Variants in SPECC1L observed in about 807,000 individuals in gnomAD.
SPECC1L encodes the protein cytospin-A.
A neutral mutation model predicts 116.8 loss-of-function variants in SPECC1L; 40 were observed. The ratio of observed to expected loss-of-function variants is 0.34; its 90% CI spans 0.27 to 0.45. The LOEUF is 0.45. SPECC1L is among the 20% of genes least tolerant of loss of function. The pLI is 1.00. For missense variants in SPECC1L, 1,110 were observed against 1,373.6 expected (o/e 0.81, Z 3.03); for synonymous variants, 504 against 500.6 (o/e 1.01, Z -0.09).
intron 2 of SPECC1L, among the ~76,000 whole-genome samples, chr22:24,280,168 T>C (rs949664149): frequency 3.9e-5 from 6 of 152,140 alleles, no homozygotes; most frequent in African/African-American, 1.2e-4. Context: ...TGGAAATGAA[T>C]TGGGGGGTAA....
chr22:24,324,133 C>G, intron 5 of SPECC1L, 87 bp from the exon 6 acceptor site: 2 of 1,090,576 alleles, frequency 1.8e-6, no homozygotes, highest in Non-Finnish European at 2.8e-6. Context: ...ACTTAGCTCC[C>G]CTTGGAAACT....
intron 8 of SPECC1L, among the ~76,000 whole-genome samples, chr22:24,334,016 T>G (rs2040994012): frequency 6.8e-6 from 1 of 148,118 alleles, no homozygotes; most frequent in Non-Finnish European, 1.5e-5. Context: ...TTTTTGTTGT[T>G]TTTTTTTTTT....
intron 1 of SPECC1L, among the ~76,000 whole-genome samples, chr22:24,275,179 T>C (rs2048812747): frequency 6.6e-6 from 1 of 152,256 alleles, no homozygotes; most frequent in African/African-American, 2.4e-5. Context: ...CGGCCTCCAC[T>C]GGACAATGAG....
At chr22:24,339,419 A>G (rs1272093531) in intron 10 of SPECC1L, among the ~76,000 whole-genome samples, 1 of 152,238 alleles carries the variant, frequency 6.6e-6, no homozygotes, top group Non-Finnish European at 1.5e-5. Flanking sequence ...CATTATTGAT[A>G]CATTAGAAAC....
chr22:24,353,296 GC>G (rs1361035117), intron 11 of SPECC1L, among the ~76,000 whole-genome samples: 1 of 152,108 alleles, frequency 6.6e-6, no homozygotes, highest in Non-Finnish European at 1.5e-5. Context: ...GTCTGCAGCT[GC>G]TTCTCACTCT....
Position 24,311,868 on chromosome 22 carries a change from C to T in SPECC1L, c.154-1445C>T, listed in dbSNP as rs370432652. On this transcript the variant is annotated intron_variant, in intron 3 of 16. Transcript: ENST00000314328. Reference sequence around the variant, plus strand: ...CTTGAAATTAATGCAGTGTTTCCCTCTCTTTTTATGTATTCTAGATTTCAT... The same window carrying T: ...CTTGAAATTAATGCAGTGTTTCCCTTTCTTTTTATGTATTCTAGATTTCAT... Among the ~76,000 whole-genome samples the T allele has an allele frequency of 1.8e-4, 26 of 147,754 alleles. No homozygotes were observed. The South Asian group carries it at 5.1e-3, about 29-fold the overall frequency.
chr22:24,381,093 A>G (rs1236275784), intron 14 of SPECC1L, among the ~76,000 whole-genome samples: 2 of 152,178 alleles, frequency 1.3e-5, no homozygotes, highest in African/African-American at 4.8e-5. Flanking sequence ...AGAATAACCA[A>G]CTGGAATAGG....
intron 2 of SPECC1L, among the ~76,000 whole-genome samples, chr22:24,298,613 T>G (rs182101907): frequency 9.8e-5 from 15 of 152,350 alleles, no homozygotes; most frequent in African/African-American, 3.6e-4. Context: ...GATGTAAGTT[T>G]CTGTCTGAAA....
intron 9 of SPECC1L, 21 bp downstream of exon 9, chr22:24,334,594 T>A (rs539711472): frequency 6.2e-7 from 1 of 1,613,578 alleles, no homozygotes; most frequent in East Asian, 2.2e-5. Flanking sequence ...TCTCCTACAT[T>A]GTGCCTACTG....
chr22:24,305,354 A>G (rs954298581), intron 3 of SPECC1L, among the ~76,000 whole-genome samples: 1 of 152,088 alleles, frequency 6.6e-6, no homozygotes, highest in Non-Finnish European at 1.5e-5. Flanking sequence ...TCCTCCCCCA[A>G]AGTAACTACC....
At position 24,417,326 on chromosome 22, in the gene SPECC1L, C is replaced by T. The variant is rs755386111; in HGVS notation, c.*2703C>T. The T allele has an allele frequency of 7.9e-5, 12 of 152,480 alleles. No individual in the cohort carries two copies. In the East Asian group the frequency reaches 1.9e-3, roughly 24 times the overall value. 9.4% of individuals were successfully genotyped at this position (152,480 alleles called of 1,614,324 possible). A position where few individuals can be genotyped will look rare whatever the true frequency, so the allele number is the denominator to read the frequency against. Reference sequence around the variant, plus strand: ...GTCGCATAAACCAGAACCCAGCTCCCTCCTGGGACTGGCTGTGGAGAGAAG... The same window carrying T: ...GTCGCATAAACCAGAACCCAGCTCCTTCCTGGGACTGGCTGTGGAGAGAAG... On this transcript the variant is annotated 3_prime_UTR_variant, in exon 17 of 17. Transcript: ENST00000314328.
At position 24,276,719 on chromosome 22, in the gene SPECC1L, G is replaced by A. The variant is rs200587001; in HGVS notation, c.-122G>A. Reference sequence around the variant, plus strand: ...TTCTAGTGTTCTTGGGGAAGATCCCGACTAAGCCATTTTCCAGTGGCACCT... The same window carrying A: ...TTCTAGTGTTCTTGGGGAAGATCCCAACTAAGCCATTTTCCAGTGGCACCT... On this transcript the variant is annotated 5_prime_UTR_variant, in exon 2 of 17. Transcript: ENST00000314328. The A allele has an allele frequency of 1.3e-5, 6 of 452,244 alleles. No individual in the cohort carries two copies. Among genetic ancestry groups the A allele is most frequent in the Admixed American group, 9.5e-5 (4 of 42,248 alleles). The allele number at this position is 452,244 out of a possible 1,614,324, so 28.0% of individuals were successfully genotyped here.
At chr22:24,365,939 T>TCC (rs1338384318) in intron 13 of SPECC1L, among the ~76,000 whole-genome samples, 1 of 150,860 alleles carries the variant, frequency 6.6e-6, no homozygotes. Flanking sequence ...AGGGAAGGCA[T>TCC]CCCAGAAGGT....
intron 14 of SPECC1L, among the ~76,000 whole-genome samples, chr22:24,385,057 C>A (rs373105526): frequency 9.1e-5 from 13 of 142,756 alleles, no homozygotes; most frequent in Non-Finnish European, 1.5e-4. Context: ...AGCGAAACTC[C>A]GTCTCAAAAA....
chr22:24,411,390 C>T (rs5760400), intron 14 of SPECC1L, among the ~76,000 whole-genome samples, 198 bp from the exon 15 acceptor site: 3,782 of 152,102 alleles, frequency 0.025, 152 homozygotes, highest in South Asian at 0.12. Context: ...CACGTAGGGG[C>T]AGCCATCTAC....
intron 10 of SPECC1L, among the ~76,000 whole-genome samples, chr22:24,346,239 A>G (rs943979138): frequency 7.2e-5 from 11 of 151,996 alleles, no homozygotes; most frequent in African/African-American, 1.2e-4. Context: ...AACTCCTGAG[A>G]TCATGATCCG....
At chr22:24,375,558 A>G (rs2041955679) in intron 14 of SPECC1L, among the ~76,000 whole-genome samples, 1 of 152,236 alleles carries the variant, frequency 6.6e-6, no homozygotes, top group African/African-American at 2.4e-5. Context: ...TGATCATCTC[A>G]CTAGACACTG....
At chr22:24,398,325 G>A (rs1254037218) in intron 14 of SPECC1L, among the ~76,000 whole-genome samples, 1 of 152,154 alleles carries the variant, frequency 6.6e-6, no homozygotes, top group East Asian at 1.9e-4. Context: ...TTTCCATTGT[G>A]CATATGAGAA....
chr22:24,411,741 A>G, intron 15 of SPECC1L, 37 bp downstream of exon 15: 1 of 1,552,336 alleles, frequency 6.4e-7, no homozygotes, highest in Non-Finnish European at 8.9e-7. Flanking sequence ...CACCCACCTC[A>G]CAGGGTTGGA....
Sources: allele counts gnomAD v4.1 joint callset (sites outside exome capture counted in the v4.1 genomes callset), GRCh38; gene constraint gnomAD v4.1.1; transcripts MANE v1.5; gene names NCBI Gene and HGNC (gene_info 2026-07-23, HGNC 2026-07-21).